Variants in SPAG16 observed in about 807,000 individuals in gnomAD.
The protein encoded by SPAG16 is sperm associated antigen 16, also known as sperm-associated antigen 16 protein.
A neutral mutation model predicts 80.4 loss-of-function variants in SPAG16; 86 were observed. That is an observed-to-expected ratio of 1.07 (90% CI 0.90 to 1.28). The LOEUF (loss-of-function observed/expected upper bound fraction) is 1.28, where lower values mean the gene tolerates loss of function less well. Ranked by LOEUF, SPAG16 falls within the 50% of genes most tolerant of loss-of-function variation. The pLI is 0.00. For missense variants in SPAG16, 870 were observed against 765.3 expected, an observed-to-expected ratio of 1.14 and a Z score of -1.61; for synonymous variants, 294 against 265.9, an observed-to-expected ratio of 1.11 and a Z score of -1.03.
chr2:213,772,302 G>A (rs138181543), intron 10 of SPAG16, among the ~76,000 whole-genome samples: 1 of 152,226 alleles, frequency 6.6e-6, no homozygotes, highest in South Asian at 2.1e-4. Context: ...TGTACCCTGA[G>A]ACCACCCTCA....
chr2:214,108,167 T>C, intron 13 of SPAG16, 29 bp from the exon 14 acceptor site: 1 of 1,514,636 alleles, frequency 6.6e-7, no homozygotes, highest in Non-Finnish European at 9.0e-7. Flanking sequence ...AGAAATTTAT[T>C]TGACTCTGTT....
chr2:213,957,200 A>G (rs547341678), intron 12 of SPAG16, among the ~76,000 whole-genome samples: 1 of 152,070 alleles, frequency 6.6e-6, no homozygotes, highest in Non-Finnish European at 1.5e-5. Context: ...GGTTCTGTCC[A>G]TTATTGAAAT....
In SPAG16 at chr2:214,389,918, G is replaced by T. The variant is rs116805747; in HGVS notation, c.1721-20222G>T. Among the ~76,000 whole-genome samples the T allele has an allele frequency of 4.1e-3, 625 of 152,234 alleles. 4 individuals carry two copies. The highest frequency in any genetic ancestry group is 0.014 in the African/African-American group (590 of 41,550). Reference sequence around the variant, plus strand: ...CGAGGCAGAACCTATGTAAAACGTTGAAGTGACTGTGAAATGACTGCCTAT... The same window carrying T: ...CGAGGCAGAACCTATGTAAAACGTTTAAGTGACTGTGAAATGACTGCCTAT... On this transcript the variant is annotated intron_variant, in intron 15 of 15. Coordinates refer to ENST00000331683, the MANE Select transcript of SPAG16 (RefSeq NM_024532.5).
At chr2:213,902,197 C>T (rs957477852) in intron 11 of SPAG16, among the ~76,000 whole-genome samples, 1 of 152,024 alleles carries the variant, frequency 6.6e-6, no homozygotes, top group African/African-American at 2.4e-5. Flanking sequence ...GTGGATATAC[C>T]AAAGAATAAA....
rs2062545978 is a variant in SPAG16 at position 213,297,328 on chromosome 2, C to G, written c.250C>G (p.Gln84Glu). 1.2e-6 allele frequency: 2 copies of G among 1,612,162 alleles called. No individual in the cohort carries two copies. Among genetic ancestry groups the G allele is most frequent in the Non-Finnish European group, 1.7e-6 (2 of 1,178,882 alleles). ...TCTGGCAAAAGCAATTCAGATGGCC[C>G]AAGAACAGGCTACAGATACTGAAAT... ...EDLAKAIQMA[Q>E]EQATDTEILE... The change falls in exon 3 of 16, where the codon CAA becomes GAA. Residue 84 changes from glutamine to glutamate, a missense_variant. Coordinates refer to ENST00000331683, the MANE Select transcript of SPAG16 (RefSeq NM_024532.5).
intron 10 of SPAG16, among the ~76,000 whole-genome samples, chr2:213,560,878 G>T (rs372888154): frequency 7.9e-5 from 12 of 152,108 alleles, no homozygotes; most frequent in East Asian, 3.9e-4. Flanking sequence ...CTTTTTTTGT[G>T]GGGGAGATGG....
chr2:213,424,862 A>G (rs79547554), intron 9 of SPAG16, among the ~76,000 whole-genome samples: 6,626 of 152,262 alleles, frequency 0.044, 163 homozygotes, highest in Middle Eastern at 0.082. Context: ...CTGAGCTGGG[A>G]ACCCAGCCAC....
intron 13 of SPAG16, among the ~76,000 whole-genome samples, chr2:214,026,453 A>G (rs1323493869): frequency 6.6e-5 from 10 of 151,560 alleles, no homozygotes; most frequent in Admixed American, 6.6e-4. Context: ...GTGTAATGTG[A>G]AAGAATAAAT....
chr2:213,970,536 A>C (rs995357547), intron 12 of SPAG16, among the ~76,000 whole-genome samples: 4 of 152,108 alleles, frequency 2.6e-5, no homozygotes, highest in African/African-American at 9.7e-5. Flanking sequence ...TCCTGAACAC[A>C]AGCAATCTGC....
At chr2:213,992,250 G>A (rs1376604130) in intron 12 of SPAG16, among the ~76,000 whole-genome samples, 8 of 152,158 alleles carry the variant, frequency 5.3e-5, no homozygotes, top group African/African-American at 1.9e-4. Flanking sequence ...ACCGAGAATT[G>A]TTTAGCGTTG....
chr2:214,061,083 G>A (rs1478339701), intron 13 of SPAG16, among the ~76,000 whole-genome samples: 1 of 152,170 alleles, frequency 6.6e-6, no homozygotes, highest in Admixed American at 6.6e-5. Flanking sequence ...AAGTTTGTGA[G>A]ACAGAGTACT....
At chr2:214,253,967 C>T (rs1224485729) in intron 15 of SPAG16, among the ~76,000 whole-genome samples, 3 of 152,098 alleles carry the variant, frequency 2.0e-5, no homozygotes, top group Admixed American at 1.3e-4. Context: ...TTTGTATCCT[C>T]TTTTATTTCT....
intron 15 of SPAG16, among the ~76,000 whole-genome samples, chr2:214,384,485 G>C (rs1408578984): frequency 6.6e-6 from 1 of 152,206 alleles, no homozygotes; most frequent in African/African-American, 2.4e-5. Flanking sequence ...TTTCAGAGTA[G>C]TGCCATATTT....
At chr2:213,484,616 C>T (rs7564920) in intron 9 of SPAG16, among the ~76,000 whole-genome samples, 7 of 152,048 alleles carry the variant, frequency 4.6e-5, no homozygotes, top group East Asian at 1.9e-4. Context: ...TCTTTTAATA[C>T]GGTGTTTATT....
rs144900593 is a variant in SPAG16, at chr2:214,205,080, T to C, written c.1720+55814T>C. 4.1e-4 allele frequency among the ~76,000 whole-genome samples: 63 copies of C among 151,928 alleles called. 2 individuals are homozygous for C. The East Asian group carries it at 0.011, about 27-fold the overall frequency. On this transcript the variant is annotated intron_variant, in intron 15 of 15. Transcript: ENST00000331683. ...CCCGTCTCTACTAAAAATACAAAAA[T>C]TAGCTGAGCATGTTGGCAGGCATCT...
At chr2:213,892,902 A>G (rs1312801727) in intron 11 of SPAG16, among the ~76,000 whole-genome samples, 1 of 152,094 alleles carries the variant, frequency 6.6e-6, no homozygotes, top group Admixed American at 6.6e-5. Flanking sequence ...AAACCAGCAT[A>G]TTTTTCCAAA....
At chr2:214,230,064 G>T (rs1688583601) in intron 15 of SPAG16, among the ~76,000 whole-genome samples, 1 of 151,692 alleles carries the variant, frequency 6.6e-6, no homozygotes, top group Non-Finnish European at 1.5e-5. Flanking sequence ...AAATCGGAAT[G>T]ATTTCCCTAA....
At chr2:213,592,870 G>A (rs2060751710) in intron 10 of SPAG16, among the ~76,000 whole-genome samples, 1 of 152,146 alleles carries the variant, frequency 6.6e-6, no homozygotes, top group Non-Finnish European at 1.5e-5. Context: ...GGCAGAAACC[G>A]TTTTAACACT....
At chr2:214,301,783 TCTC>T (rs1318903633) in intron 15 of SPAG16, among the ~76,000 whole-genome samples, 10 of 152,136 alleles carry the variant, frequency 6.6e-5, no homozygotes. Flanking sequence ...CTCATTTATT[TCTC>T]CTCTGATCAT....
Sources: gnomAD v4.1 joint callset for allele counts (sites outside exome capture counted in the v4.1 genomes callset) on GRCh38, gnomAD v4.1.1 for gene constraint, MANE v1.5 for transcripts, NCBI Gene and HGNC (gene_info 2026-07-23, HGNC 2026-07-21) for gene names.